Variants in CHD9 observed in about 807,000 individuals in gnomAD.
CHD9 encodes ATP-dependent chromatin remodeler CHD9.
Under a neutral mutation model 316.1 loss-of-function variants are expected in CHD9, and 77 were observed. The ratio of observed to expected loss-of-function variants is 0.24; its 90% CI spans 0.20 to 0.29. The LOEUF is 0.29. Ranked by LOEUF, CHD9 falls within the 10% of genes least tolerant of loss-of-function variation. The probability of loss-of-function intolerance (pLI) is 1.00; values close to 1 mark genes in which losing one functional copy is unlikely to be tolerated. For missense variants in CHD9, 2,763 were observed against 3,438.1 expected, an observed-to-expected ratio of 0.80 and a Z score of 4.91; for synonymous variants, 1,129 against 1,158.3, an observed-to-expected ratio of 0.97 and a Z score of 0.51.
In CHD9 at chr16:53,156,167, A is replaced by G. The variant is rs747781067; in HGVS notation, c.78A>G (p.Ala26=). 18 of 1,613,846 alleles carry G rather than the reference A, an allele frequency of 1.1e-5. No homozygotes were observed. The highest frequency in any genetic ancestry group is 1.4e-5 in the Non-Finnish European group (17 of 1,179,894). Residue 26 remains alanine, a synonymous_variant, in exon 2 of 39, where the codon GCA becomes GCG. Transcript: ENST00000447540. Reference sequence around the variant, plus strand: ...CCTTAGAAGGTTTGTCAGATGATGCATTTGTACAACCAGGACCTGTTTCAC... The same window carrying G: ...CCTTAGAAGGTTTGTCAGATGATGCGTTTGTACAACCAGGACCTGTTTCAC... ...GETLEGLSDD[A]FVQPGPVSLV...
intron 1 of CHD9, among the ~76,000 whole-genome samples, chr16:53,129,612 C>G (rs1419425233): frequency 1.3e-5 from 2 of 152,226 alleles, no homozygotes; most frequent in Non-Finnish European, 2.9e-5. Flanking sequence ...AGCGCAGTGT[C>G]GCTCCTTAGC....
intron 1 of CHD9, among the ~76,000 whole-genome samples, chr16:53,065,421 C>T (rs911487591): frequency 6.6e-6 from 1 of 151,898 alleles, no homozygotes; most frequent in Non-Finnish European, 1.5e-5. Context: ...ATTGCTTGAG[C>T]CCAGGAGTTC....
chr16:53,303,414 A>G (rs2055638083), intron 30 of CHD9, among the ~76,000 whole-genome samples: 1 of 152,112 alleles, frequency 6.6e-6, no homozygotes, highest in South Asian at 2.1e-4. Flanking sequence ...TCCCAGTTCT[A>G]TTAATGTACT....
rs2057515614 is a variant in CHD9 at position 53,325,647 on chromosome 16, A to T, written c.*752A>T. 1 of 152,458 alleles carries T rather than the reference A, an allele frequency of 6.6e-6. No homozygotes were observed. The highest frequency in any genetic ancestry group is 1.5e-5 in the Non-Finnish European group (1 of 67,986). The allele number at this position is 152,458 out of a possible 1,614,324, so 9.4% of individuals were successfully genotyped here. A position where few individuals can be genotyped will look rare whatever the true frequency, so the allele number is the denominator to read the frequency against. Reference sequence around the variant, plus strand: ...AGTAAAATTAAGTCATAAAATAATCATGTGTCATGTGACTTTGGCACCCTA... The same window carrying T: ...AGTAAAATTAAGTCATAAAATAATCTTGTGTCATGTGACTTTGGCACCCTA... On this transcript the variant is annotated 3_prime_UTR_variant, in exon 39 of 39. Coordinates refer to ENST00000447540, the MANE Select transcript of CHD9 (RefSeq NM_001308319.2).
chr16:53,172,238 T>C (rs1055099941), intron 2 of CHD9, among the ~76,000 whole-genome samples: 1 of 152,174 alleles, frequency 6.6e-6, no homozygotes, highest in African/African-American at 2.4e-5. Flanking sequence ...CTGATTTCTG[T>C]CACTCTATGT....
chr16:53,132,793 CTTTTTTTTTTTTTT>C (rs748626858), intron 1 of CHD9, among the ~76,000 whole-genome samples: 93 of 68,506 alleles, frequency 1.4e-3, no homozygotes, highest in Admixed American at 0.012. Context: ...TCTAATTCTG[CTTTTTTTTTTTTTT>C]TTTTTTTTTT....
intron 10 of CHD9, among the ~76,000 whole-genome samples, chr16:53,234,823 A>C (rs1227738300): frequency 1.3e-5 from 2 of 152,044 alleles, no homozygotes; most frequent in East Asian, 3.9e-4. Flanking sequence ...TAAAAAAAAA[A>C]ACAAAACCTA....
At chr16:53,204,023 CAAAAAAAAAAAAA>C (rs530552464) in intron 2 of CHD9, among the ~76,000 whole-genome samples, 2 of 48,342 alleles carry the variant, frequency 4.1e-5, no homozygotes, top group Non-Finnish European at 7.1e-5. Flanking sequence ...GACTCCATCT[CAAAAAAAAAAAAA>C]AAAAAAAAAA....
chr16:53,218,309 G>GT (rs1002800585), intron 3 of CHD9, among the ~76,000 whole-genome samples: 1 of 151,952 alleles, frequency 6.6e-6, no homozygotes, highest in African/African-American at 2.4e-5. Flanking sequence ...AGTGAAAGTT[G>GT]TTTTTTTGTT....
At chr16:53,124,813 A>G (rs1364451360) in intron 1 of CHD9, among the ~76,000 whole-genome samples, 1 of 152,010 alleles carries the variant, frequency 6.6e-6, no homozygotes, top group African/African-American at 2.4e-5. Context: ...ACAACATGGG[A>G]AAGACCCACC....
At chr16:53,101,722 T>G (rs1346065417) in intron 1 of CHD9, among the ~76,000 whole-genome samples, 1 of 152,218 alleles carries the variant, frequency 6.6e-6, no homozygotes, top group Admixed American at 6.5e-5. Flanking sequence ...AATAATGTAT[T>G]CCTTTTCTAA....
chr16:53,317,801 C>A (rs988861190), intron 36 of CHD9, among the ~76,000 whole-genome samples: 1 of 152,058 alleles, frequency 6.6e-6, no homozygotes, highest in Non-Finnish European at 1.5e-5. Context: ...CATCTGTAAT[C>A]CCAGTACTTT....
At chr16:53,277,212 A>C (rs1270142866) in intron 24 of CHD9, among the ~76,000 whole-genome samples, 1 of 152,190 alleles carries the variant, frequency 6.6e-6, no homozygotes, top group African/African-American at 2.4e-5. Flanking sequence ...TTTTGACACT[A>C]TTCCACAAGA....
intron 2 of CHD9, among the ~76,000 whole-genome samples, chr16:53,177,045 T>A (rs1414344681): frequency 1.3e-5 from 2 of 152,196 alleles, no homozygotes; most frequent in Non-Finnish European, 2.9e-5. Context: ...AGCCTCCGCC[T>A]CCCAGGTTCC....
chr16:53,144,059 T>A (rs2040366664), intron 1 of CHD9, among the ~76,000 whole-genome samples: 2 of 152,106 alleles, frequency 1.3e-5, no homozygotes, highest in Non-Finnish European at 1.5e-5. Context: ...ATTAAAAAAA[T>A]TTTAATTAAA....
intron 2 of CHD9, among the ~76,000 whole-genome samples, chr16:53,163,432 A>G (rs1361592592): frequency 6.6e-6 from 1 of 152,100 alleles, no homozygotes; most frequent in Non-Finnish European, 1.5e-5. Context: ...CTGGTCTTGA[A>G]CTACCGACCT....
At chr16:53,095,075 TA>T (rs2036266602) in intron 1 of CHD9, among the ~76,000 whole-genome samples, 1 of 152,224 alleles carries the variant, frequency 6.6e-6, no homozygotes, top group Non-Finnish European at 1.5e-5. Flanking sequence ...TATTTCCTTA[TA>T]ATACAGTCAC....
Position 53,307,915 on chromosome 16 carries a change from C to G in CHD9, c.7015C>G (p.His2339Asp). Residue 2339 changes from histidine to aspartate, a missense_variant, in exon 33 of 39, where the codon CAT becomes GAT. His to Asp is a moderately conservative substitution (Grantham distance 81, BLOSUM62 -1). Coordinates refer to ENST00000447540, the MANE Select transcript of CHD9 (RefSeq NM_001308319.2). ...QSTQMSKVKK[H>D]VREKEFTVKI... Reference sequence around the variant, plus strand: ...AACACAGATGTCAAAGGTGAAGAAGCATGTACGAGAAAAGGAGTTTACAGT... The same window carrying G: ...AACACAGATGTCAAAGGTGAAGAAGGATGTACGAGAAAAGGAGTTTACAGT... 6.2e-7 allele frequency: 1 copy of G among 1,612,480 alleles called. No individual in the cohort carries two copies. The highest frequency in any genetic ancestry group is 1.3e-5 in the African/African-American group (1 of 75,022).
At chr16:53,316,453 CT>C (rs2153105454) in intron 36 of CHD9, among the ~76,000 whole-genome samples, 1 of 152,208 alleles carries the variant, frequency 6.6e-6, no homozygotes, top group South Asian at 2.1e-4. Flanking sequence ...GCAAAAGGGC[CT>C]TTATTAACTT....
Sources: allele counts gnomAD v4.1 joint callset (sites outside exome capture counted in the v4.1 genomes callset), GRCh38; gene constraint gnomAD v4.1.1; transcripts MANE v1.5; gene names NCBI Gene and HGNC (gene_info 2026-07-23, HGNC 2026-07-21).